Variants in ZNF791 observed in about 807,000 individuals in gnomAD.
The protein encoded by ZNF791 is zinc finger protein 791.
A neutral mutation model predicts 11.5 loss-of-function variants in ZNF791; 4 were observed. That is an observed-to-expected ratio of 0.35 (90% confidence interval 0.17 to 0.80). The LOEUF is 0.80. Among genes scored for constraint, ZNF791 ranks in the 30% least tolerant of loss-of-function variants. The pLI is 0.53. For synonymous variants in ZNF791, 212 were observed against 228.1 expected (o/e 0.93, Z 0.64); for missense variants, 559 against 699.4 (o/e 0.80, Z 2.26).
intron 1 of ZNF791, among the ~76,000 whole-genome samples, chr19:12,617,122 T>A (rs943586747): frequency 6.6e-6 from 1 of 151,422 alleles, no homozygotes; most frequent in Non-Finnish European, 1.5e-5. Context: ...TTTTTCTTTT[T>A]TCTTCTTTTT....
chr19:12,621,858 CT>C (rs2023354664), intron 1 of ZNF791, among the ~76,000 whole-genome samples: 1 of 135,282 alleles, frequency 7.4e-6, no homozygotes, highest in Admixed American at 7.3e-5. Context: ...GGAGGTGTGC[CT>C]AACAGCTCAT....
Position 12,627,939 on chromosome 19 carries a change from G to A in ZNF791, c.410G>A (p.Cys137Tyr), listed in dbSNP as rs750824089. ...LFEKPYKCKECEKAFSYLKSF... is the reference protein window; with the variant it reads ...LFEKPYKCKEYEKAFSYLKSF... ...GAGAAGCCATATAAATGTAAGGAGT[G>A]TGAGAAAGCCTTTAGTTATCTCAAA... Residue 137 changes from cysteine to tyrosine, a missense_variant, in exon 4 of 4, where the codon TGT (cysteine) becomes TAT (tyrosine). Transcript: ENST00000343325. 1 of 1,614,158 alleles carries A rather than the reference G, an allele frequency of 6.2e-7. No individual in the cohort carries two copies. The highest frequency in any genetic ancestry group is 1.7e-5 in the Admixed American group (1 of 60,012).
chr19:12,623,960 A>G (rs1426352549), intron 2 of ZNF791, 134 bp downstream of exon 2: 5 of 816,578 alleles, frequency 6.1e-6, no homozygotes, highest in Admixed American at 3.4e-5. Flanking sequence ...GGTTCAAGCA[A>G]TTCTCCTACC....
chr19:12,626,103 C>T (rs180719279), intron 3 of ZNF791, among the ~76,000 whole-genome samples: 30 of 152,256 alleles, frequency 2.0e-4, no homozygotes, highest in African/African-American at 7.0e-4. Flanking sequence ...TGCAACCTCC[C>T]ACTCCCTGGT....
chr19:12,619,269 T>G (rs2023295498), intron 1 of ZNF791, among the ~76,000 whole-genome samples: 1 of 152,214 alleles, frequency 6.6e-6, no homozygotes, highest in Admixed American at 6.5e-5. Flanking sequence ...ATGCTCCTAC[T>G]ATTTTTGTTT....
At chr19:12,614,719 C>A (rs1334075236) in intron 1 of ZNF791, among the ~76,000 whole-genome samples, 1 of 151,436 alleles carries the variant, frequency 6.6e-6, no homozygotes, top group Non-Finnish European at 1.5e-5. Context: ...CTCAGCCTCC[C>A]AGGTAGCTGG....
Position 12,631,217 on chromosome 19 carries a change from ATGT to A in ZNF791, c.*1961_*1963del. 1 of 152,342 alleles carries A rather than the reference ATGT, an allele frequency of 6.6e-6. No homozygotes were observed. The highest frequency in any genetic ancestry group is 1.9e-4 in the East Asian group (1 of 5,194). The allele number at this position is 152,342 out of a possible 1,614,324, so 9.4% of individuals were successfully genotyped here. On this transcript the variant is annotated 3_prime_UTR_variant, in exon 4 of 4. Coordinates refer to ENST00000343325, the MANE Select transcript of ZNF791 (RefSeq NM_153358.3). ...TTCCTACAGTGTTCAGTACAACAAC[ATGT>A]TGTATGGTTTATAGCCTAGTAGCAA...
At chr19:12,613,226 C>T (rs923761544) in intron 1 of ZNF791, among the ~76,000 whole-genome samples, 2 of 151,380 alleles carry the variant, frequency 1.3e-5, no homozygotes, top group East Asian at 2.0e-4. Flanking sequence ...TCCCAAAGTG[C>T]TGGGATTATA....
intron 1 of ZNF791, among the ~76,000 whole-genome samples, chr19:12,622,156 A>G (rs1001414251): frequency 2.3e-5 from 3 of 131,944 alleles, no homozygotes; most frequent in Non-Finnish European, 5.0e-5. Context: ...TGAAGGCAGC[A>G]TGCTCGTTAA....
intron 3 of ZNF791, among the ~76,000 whole-genome samples, chr19:12,625,688 G>A (rs1158690227): frequency 2.7e-5 from 4 of 149,788 alleles, no homozygotes; most frequent in Non-Finnish European, 5.9e-5. Flanking sequence ...AGGAGGCTGA[G>A]GCAGGAGAAT....
chr19:12,623,578 A>T, intron 1 of ZNF791, 122 bp from the exon 2 acceptor site: 2 of 1,270,660 alleles, frequency 1.6e-6, no homozygotes, highest in East Asian at 2.3e-5. Flanking sequence ...TACATTTCTA[A>T]CAATTGAGTC....
chr19:12,616,801 ATTCTT>A (rs2023250162), intron 1 of ZNF791, among the ~76,000 whole-genome samples: 1 of 121,506 alleles, frequency 8.2e-6, no homozygotes, highest in Non-Finnish European at 1.9e-5. Flanking sequence ...TTTTATTTTT[ATTCTT>A]TTAACACTTT....
chr19:12,616,811 CACTTTCTTTCACAGAGT>C (rs1477154026), intron 1 of ZNF791, among the ~76,000 whole-genome samples: 1 of 87,658 alleles, frequency 1.1e-5, no homozygotes, highest in African/African-American at 3.5e-5. Context: ...ATTCTTTTAA[CACTTTCTTTCACAGAGT>C]AGGAGTTTTT....
At chr19:12,624,158 C>CTT (rs138811360) in intron 2 of ZNF791, among the ~76,000 whole-genome samples, 31 of 124,044 alleles carry the variant, frequency 2.5e-4, no homozygotes, top group African/African-American at 8.0e-4. Context: ...GCCTGGCCTT[C>CTT]TTTTTTTTTT....
At chr19:12,622,390 T>TAAAAAAAAATA (rs372867409) in intron 1 of ZNF791, among the ~76,000 whole-genome samples, 31 of 106,198 alleles carry the variant, frequency 2.9e-4, no homozygotes, top group Admixed American at 2.2e-4. Flanking sequence ...AAAAAAATAA[T>TAAAAAAAAATA]AAAAAAAAGA....
At position 12,627,764 on chromosome 19, in the gene ZNF791, C is replaced by A. The variant is rs1175966133; in HGVS notation, c.235C>A (p.Gln79Lys). The change falls in exon 4 of 4, where the codon CAA becomes AAA. Residue 79 changes from glutamine (Q) to lysine (K), a missense_variant. Transcript: ENST00000343325. ...ACTCTGTGAAGGTAAAGAAGGTAGT[C>A]AATGTGCAGAAAACTTCAGTCCCAA... The part of the protein sequence containing the change: ...ERLCEGKEGS[Q>K]CAENFSPNLS... 1 of 1,614,004 alleles carries A rather than the reference C, an allele frequency of 6.2e-7. No individual in the cohort carries two copies. Among genetic ancestry groups the A allele is most frequent in the Non-Finnish European group, 8.5e-7 (1 of 1,179,896 alleles).
Position 12,627,832 on chromosome 19 carries a change from G to A in ZNF791, c.303G>A (p.Glu101=). The A allele has an allele frequency of 6.2e-7, 1 of 1,614,132 alleles. No individual in the cohort carries two copies. Among genetic ancestry groups the A allele is most frequent in the East Asian group, 2.2e-5 (1 of 44,884 alleles). The part of the protein sequence containing the change: ...TKKTAGVKPY[E]CTICGKAFMR... The stretch of plus-strand genomic sequence containing the variant: ...AGACTGCCGGAGTAAAACCATATGA[G>A]TGTACTATCTGTGGAAAAGCCTTCA... Residue 101 remains glutamate (E), a synonymous_variant, in exon 4 of 4, where the codon GAG becomes GAA. Transcript: ENST00000343325.
intron 1 of ZNF791, among the ~76,000 whole-genome samples, chr19:12,619,293 C>T (rs1382597970): frequency 1.3e-5 from 2 of 152,174 alleles, no homozygotes; most frequent in East Asian, 3.9e-4. Context: ...TCTGCAAGTG[C>T]AAACGCACAA....
chr19:12,611,457 C>T (rs1198415379), intron 1 of ZNF791, among the ~76,000 whole-genome samples: 2 of 152,120 alleles, frequency 1.3e-5, no homozygotes, highest in African/African-American at 4.8e-5. Flanking sequence ...CTACCCTGTC[C>T]CCCCAGCCTA....
Sources: allele counts gnomAD v4.1 joint callset (sites outside exome capture counted in the v4.1 genomes callset), GRCh38; gene constraint gnomAD v4.1.1; transcripts MANE v1.5; gene names NCBI Gene and HGNC (gene_info 2026-07-23, HGNC 2026-07-21).